The following MAGI2 variants were observed in gnomAD, a reference collection of about 807,000 sequenced individuals.
MAGI2 encodes membrane-associated guanylate kinase, WW and PDZ domain-containing protein 2.
In MAGI2, 35 loss-of-function variants were observed where a neutral mutation model predicts 133.3. That is an observed-to-expected ratio of 0.26 (90% confidence interval 0.20 to 0.35). The LOEUF (loss-of-function observed/expected upper bound fraction) is 0.35, where lower values mean the gene tolerates loss of function less well. Among genes scored for constraint, MAGI2 ranks in the 10% least tolerant of loss-of-function variants. MAGI2 has a pLI of 1.00. For missense variants in MAGI2, 1,636 were observed against 1,863.4 expected, an observed-to-expected ratio of 0.88 and a Z score of 2.25; for synonymous variants, 729 against 710.6, an observed-to-expected ratio of 1.03 and a Z score of -0.41.
chr7:79,118,308 C>T (rs1819583065), intron 1 of MAGI2, among the ~76,000 whole-genome samples: 2 of 152,148 alleles, frequency 1.3e-5, no homozygotes, highest in African/African-American at 4.8e-5. Context: ...AAATGGAGCA[C>T]TCGACTCTAG....
intron 10 of MAGI2, among the ~76,000 whole-genome samples, chr7:78,239,019 C>T (rs1194040521): frequency 6.6e-6 from 1 of 151,208 alleles, no homozygotes; most frequent in African/African-American, 2.4e-5. Flanking sequence ...GCCTCAAAAT[C>T]TTCTGCTTGC....
At chr7:78,409,167 ATACCTAT>A (rs1225160832) in intron 6 of MAGI2, among the ~76,000 whole-genome samples, 2 of 152,072 alleles carry the variant, frequency 1.3e-5, no homozygotes, top group Admixed American at 1.3e-4. Context: ...TTGTCTGTCT[ATACCTAT>A]TTATATTCCC....
chr7:79,394,929 A>G (rs1337952213), intron 1 of MAGI2, among the ~76,000 whole-genome samples: 1 of 152,234 alleles, frequency 6.6e-6, no homozygotes, highest in Non-Finnish European at 1.5e-5. Context: ...TTTGAAGAAC[A>G]AATGTGCTCT....
At chr7:78,481,916 T>C (rs1469845457) in intron 6 of MAGI2, among the ~76,000 whole-genome samples, 1 of 151,952 alleles carries the variant, frequency 6.6e-6, no homozygotes, top group African/African-American at 2.4e-5. Context: ...AATCTGGATT[T>C]ATCAAAGTTA....
At chr7:78,449,900 A>C (rs938295961) in intron 6 of MAGI2, among the ~76,000 whole-genome samples, 1 of 152,090 alleles carries the variant, frequency 6.6e-6, no homozygotes, top group Non-Finnish European at 1.5e-5. Flanking sequence ...GTTTCTTTGC[A>C]CTTCAAATCA....
In MAGI2 at chr7:78,917,597, T is replaced by C. The variant is rs913410658; in HGVS notation, c.418+89493A>G. The stretch of plus-strand genomic sequence containing the variant: ...TTGAGACCAACTGAGTGTCCAATAA[T>C]TGAATTCAATCCTGATGCTATCTAC... On this transcript the variant is annotated intron_variant, in intron 2 of 21. Transcript: ENST00000354212. Among the ~76,000 whole-genome samples the C allele has an allele frequency of 2.6e-5, 4 of 152,076 alleles. No homozygotes were observed. The South Asian group carries it at 8.3e-4, about 31-fold the overall frequency.
At chr7:78,738,458 C>T (rs1170958116) in intron 2 of MAGI2, among the ~76,000 whole-genome samples, 1 of 151,984 alleles carries the variant, frequency 6.6e-6, no homozygotes, top group Non-Finnish European at 1.5e-5. Flanking sequence ...CTAAACAAGT[C>T]ACATTATGGT....
chr7:79,301,797 G>A (rs1288951189), intron 1 of MAGI2, among the ~76,000 whole-genome samples: 1 of 152,202 alleles, frequency 6.6e-6, no homozygotes, highest in Non-Finnish European at 1.5e-5. Context: ...CCCAGTGCTG[G>A]AATAGGGCCT....
chr7:78,557,017 G>T (rs1442446226), intron 3 of MAGI2, among the ~76,000 whole-genome samples: 4 of 146,966 alleles, frequency 2.7e-5, no homozygotes, highest in Admixed American at 1.4e-4. Context: ...TGTTAATCGG[G>T]CAGATGGAGC....
Position 78,810,173 on chromosome 7 carries a change from A to AT in MAGI2, c.419-182935dup, listed in dbSNP as rs201610200. 1.1e-3 allele frequency among the ~76,000 whole-genome samples: 160 copies of AT among 150,146 alleles called. 1 individual carries two copies. Among genetic ancestry groups the AT allele is most frequent in the African/African-American group, 3.4e-3 (139 of 41,056 alleles). ...ATATTGTTTTCCTGATAAGTTATAG[A>AT]TTTTTTTTTTATATAACTATTCCAA... On this transcript the variant is annotated intron_variant, in intron 2 of 21. Transcript: ENST00000354212.
intron 1 of MAGI2, among the ~76,000 whole-genome samples, chr7:79,035,370 A>C (rs1291665973): frequency 6.6e-6 from 1 of 152,168 alleles, no homozygotes; most frequent in Non-Finnish European, 1.5e-5. Context: ...CTCAAAAGTG[A>C]TTCATACTAT....
At chr7:78,288,237 A>G (rs569863719) in intron 9 of MAGI2, among the ~76,000 whole-genome samples, 58 of 152,330 alleles carry the variant, frequency 3.8e-4, no homozygotes, top group African/African-American at 1.3e-3. Context: ...GATTTAATAC[A>G]TAAATTTAAC....
At chr7:78,278,665 G>A (rs752390463) in intron 9 of MAGI2, among the ~76,000 whole-genome samples, 1 of 152,098 alleles carries the variant, frequency 6.6e-6, no homozygotes, top group African/African-American at 2.4e-5. Context: ...GGAGATCATC[G>A]TTGATACTTT....
At chr7:78,295,508 T>G (rs1475142813) in intron 9 of MAGI2, among the ~76,000 whole-genome samples, 1 of 152,188 alleles carries the variant, frequency 6.6e-6, no homozygotes, top group Non-Finnish European at 1.5e-5. Context: ...GCGTCCTCAG[T>G]ATCATCGCAC....
At position 79,241,041 on chromosome 7, in the gene MAGI2, C is replaced by A. The variant is rs536233540; in HGVS notation, c.301+211979G>T. On this transcript the variant is annotated intron_variant, in intron 1 of 21. Transcript: ENST00000354212. The stretch of plus-strand genomic sequence containing the variant: ...TTATTTTGGAAAAAATATAAAGAAC[C>A]ATGTCAGTATCAGTTTTCATAACTT... 8.6e-5 allele frequency among the ~76,000 whole-genome samples: 13 copies of A among 151,716 alleles called. 1 individual carries two copies. In the South Asian group the frequency reaches 2.7e-3, roughly 32 times the overall value.
intron 6 of MAGI2, among the ~76,000 whole-genome samples, chr7:78,399,656 TTAGCTA>T (rs1796668651): frequency 1.3e-5 from 2 of 151,760 alleles, no homozygotes; most frequent in Non-Finnish European, 2.9e-5. Flanking sequence ...AATACAAAAA[TTAGCTA>T]GGCATGGTGG....
At chr7:78,671,112 AT>A (rs1233595067) in intron 2 of MAGI2, among the ~76,000 whole-genome samples, 8 of 152,078 alleles carry the variant, frequency 5.3e-5, no homozygotes, top group Non-Finnish European at 1.5e-5. Flanking sequence ...CCTATGAACA[AT>A]ATCATCCTCA....
Position 78,026,663 on chromosome 7 carries a change from C to T in MAGI2, c.3707-6687G>A, listed in dbSNP as rs554724869. Among the ~76,000 whole-genome samples the T allele has an allele frequency of 9.3e-4, 132 of 142,138 alleles. 1 individual carries two copies. Among genetic ancestry groups the T allele is most frequent in the Non-Finnish European group, 1.4e-3 (91 of 64,914 alleles). The allele number at this position is 142,138 out of a possible 152,430, so 93.2% of individuals were successfully genotyped here. On this transcript the variant is annotated intron_variant, in intron 21 of 21. Coordinates refer to ENST00000354212, the MANE Select transcript of MAGI2 (RefSeq NM_012301.4). ...AGAGACTGTGGGCAATGGTGGGGTTCGGGTGGGGCCGGAGGTGGGGTGGGG... is the reference window on the plus strand; with the variant it reads ...AGAGACTGTGGGCAATGGTGGGGTTTGGGTGGGGCCGGAGGTGGGGTGGGG...
chr7:78,268,290 A>G (rs1409476213), intron 9 of MAGI2, among the ~76,000 whole-genome samples: 1 of 152,152 alleles, frequency 6.6e-6, no homozygotes, highest in Non-Finnish European at 1.5e-5. Flanking sequence ...AATTTTGGAT[A>G]TTTTAAATTT....
Sources: gnomAD v4.1 joint callset for allele counts (sites outside exome capture counted in the v4.1 genomes callset) on GRCh38, gnomAD v4.1.1 for gene constraint, MANE v1.5 for transcripts, NCBI Gene and HGNC (gene_info 2026-07-23, HGNC 2026-07-21) for gene names.